Variants in PBRM1 observed in about 807,000 individuals in gnomAD.
PBRM1 encodes the protein protein polybromo-1.
PBRM1 carries 27 observed loss-of-function variants against 194.5 expected under a neutral mutation model. The observed-to-expected ratio is 0.14, with a 90% CI of 0.10 to 0.19. PBRM1 has a LOEUF of 0.19. PBRM1 is among the 10% of genes least tolerant of loss of function. The pLI, the probability that PBRM1 is intolerant of heterozygous loss-of-function variation, is 1.00. For missense variants in PBRM1, 1,466 were observed against 2,077.2 expected (o/e 0.71, Z 5.72); for synonymous variants, 655 against 693.2 (o/e 0.94, Z 0.87).
intron 18 of PBRM1, 151 bp downstream of exon 20, chr3:52,588,919 T>A (rs556685163): frequency 3.5e-5 from 21 of 598,224 alleles, no homozygotes; most frequent in Non-Finnish European, 6.2e-5. Flanking sequence ...GTTTTTCATA[T>A]GATGGGTGCT....
At chr3:52,550,567 G>C (rs201088500) in exon 29 of PBRM1, 39 of 1,547,746 alleles carry the variant, frequency 2.5e-5, no homozygotes, top group Non-Finnish European at 3.4e-5. Context: ...CTGTATGACA[G>C]GGGGTCCAGC....
intron 17 of PBRM1, among the ~76,000 whole-genome samples, chr3:52,599,329 A>G (rs534676867): frequency 6.6e-6 from 1 of 152,372 alleles, no homozygotes; most frequent in African/African-American, 2.4e-5. Context: ...GAGAAGACTC[A>G]AAATCCATTC....
intron 22 of PBRM1, among the ~76,000 whole-genome samples, chr3:52,565,761 C>A (rs1053195576): frequency 6.6e-6 from 1 of 151,674 alleles, no homozygotes; most frequent in African/African-American, 2.4e-5. Flanking sequence ...GCACATGAAA[C>A]AATGCTTAGC....
intron 10 of PBRM1, among the ~76,000 whole-genome samples, chr3:52,639,830 A>G (rs2096001491): frequency 6.6e-6 from 1 of 151,374 alleles, no homozygotes; most frequent in South Asian, 2.1e-4. Flanking sequence ...CTCAGCCTCT[A>G]AAAGTGCTGG....
At chr3:52,664,941 C>T (rs113257797) in intron 3 of PBRM1, among the ~76,000 whole-genome samples, 60 of 152,092 alleles carry the variant, frequency 3.9e-4, no homozygotes, top group Middle Eastern at 6.8e-3. Flanking sequence ...CATTACTACT[C>T]GCAAATTCTA....
At chr3:52,649,111 T>C (rs190084006) in intron 6 of PBRM1, among the ~76,000 whole-genome samples, 1 of 151,968 alleles carries the variant, frequency 6.6e-6, no homozygotes, top group Non-Finnish European at 1.5e-5. Context: ...TGGAGAAGGG[T>C]AGAGCCATAA....
At chr3:52,633,668 AATT>A (rs1197040443) in intron 11 of PBRM1, among the ~76,000 whole-genome samples, 1 of 152,148 alleles carries the variant, frequency 6.6e-6, no homozygotes, top group African/African-American at 2.4e-5. Flanking sequence ...ACACACCAAT[AATT>A]ATTATTATTA....
intron 1 of PBRM1, chr3:52,685,496 G>A (rs897537871): frequency 6.6e-6 from 1 of 152,098 alleles, no homozygotes; most frequent in African/African-American, 2.4e-5. Flanking sequence ...CCCGCGACGA[G>A]CGGGAAAGAG....
At chr3:52,592,278 C>T (rs930961330) in intron 17 of PBRM1, among the ~76,000 whole-genome samples, 38 of 152,000 alleles carry the variant, frequency 2.5e-4, no homozygotes, top group African/African-American at 8.9e-4. Context: ...ACTACAGGTG[C>T]GTGCCACCAC....
chr3:52,644,992 A>G (rs1209242814), intron 7 of PBRM1, among the ~76,000 whole-genome samples: 1 of 152,212 alleles, frequency 6.6e-6, no homozygotes, highest in Non-Finnish European at 1.5e-5. Context: ...AATTAAATAT[A>G]AGTTAAAATG....
At chr3:52,652,440 G>C (rs1402751369) in intron 5 of PBRM1, among the ~76,000 whole-genome samples, 1 of 150,928 alleles carries the variant, frequency 6.6e-6, no homozygotes, top group African/African-American at 2.4e-5. Flanking sequence ...TGTAATCCCA[G>C]AACTTTGGGA....
At chr3:52,587,385 T>C in exon 19 of PBRM1, 1 of 1,610,718 alleles carries the variant, frequency 6.2e-7, no homozygotes, top group Non-Finnish European at 8.5e-7. Context: ...TTGCCTAGAA[T>C]TTTACTAACT....
intron 10 of PBRM1, among the ~76,000 whole-genome samples, chr3:52,636,054 G>A (rs1186020275): frequency 2.0e-5 from 3 of 151,758 alleles, no homozygotes; most frequent in African/African-American, 7.3e-5. Context: ...TGTATTTTTA[G>A]TAGAGATGGG....
intron 15 of PBRM1, among the ~76,000 whole-genome samples, chr3:52,612,194 A>C (rs1308375269): frequency 7.3e-6 from 1 of 137,424 alleles, no homozygotes; most frequent in Admixed American, 8.0e-5. Context: ...CAGGAGGCGG[A>C]GGTTGCAGTG....
At chr3:52,604,832 T>A (rs1177272506) in intron 16 of PBRM1, among the ~76,000 whole-genome samples, 2 of 152,192 alleles carry the variant, frequency 1.3e-5, no homozygotes, top group Admixed American at 1.3e-4. Flanking sequence ...TGCACACATG[T>A]AATCTCAGCT....
At chr3:52,548,235 G>A (rs2153314040) in exon 30 of PBRM1, 1 of 1,569,824 alleles carries the variant, frequency 6.4e-7, no homozygotes, top group African/African-American at 1.4e-5. Flanking sequence ...GCGTCTTCGA[G>A]CTGAAAATTA....
At position 52,609,058 on chromosome 3, in the gene PBRM1, T is replaced by A; in HGVS notation, c.2567+255A>T. The A allele has an allele frequency of 2.5e-6, 1 of 395,126 alleles. No individual in the cohort carries two copies. Among genetic ancestry groups the A allele is most frequent in the Non-Finnish European group, 4.5e-6 (1 of 220,396 alleles). 24.5% of individuals were successfully genotyped at this position (395,126 alleles called of 1,614,324 possible). A position where few individuals can be genotyped will look rare whatever the true frequency, so the allele number is the denominator to read the frequency against. ...TCTATGAAAGGCTGTATTTTAAGTT[T>A]ATGCTTTTCAAGAGATTTTCAATTT... On this transcript the variant is annotated intron_variant, in intron 16 of 29. Transcript: ENST00000296302. This position sits in a 1 kb window ranked among gnomAD's most constrained non-coding sequence, Gnocchi z 4.1.
chr3:52,564,667 A>G (rs2084580118), intron 22 of PBRM1, among the ~76,000 whole-genome samples: 1 of 151,404 alleles, frequency 6.6e-6, no homozygotes, highest in South Asian at 2.1e-4. Flanking sequence ...AAAAAAAAAG[A>G]TATAATACAA....
chr3:52,681,291 A>G (rs2097201149), upstream of PBRM1: 2 of 152,008 alleles, frequency 1.3e-5, no homozygotes, highest in Middle Eastern at 3.2e-3. Context: ...CAATTAAGGA[A>G]AAAGAGAAGT....
Sources: allele counts gnomAD v4.1 joint callset (sites outside exome capture counted in the v4.1 genomes callset), GRCh38; gene constraint gnomAD v4.1.1; non-coding constraint Gnocchi (gnomAD v3.1); transcripts MANE v1.5; gene names NCBI Gene and HGNC (gene_info 2026-07-23, HGNC 2026-07-21).